TRPM3: variants seen among roughly 807,000 people sequenced by gnomAD.
TRPM3 encodes the protein long transient receptor potential channel 3.
In TRPM3, 77 loss-of-function variants were observed where a neutral mutation model predicts 181.2. The ratio of observed to expected loss-of-function variants is 0.42; its 90% CI spans 0.35 to 0.51. The LOEUF is 0.51. TRPM3 is among the 20% of genes least tolerant of loss of function. The pLI is 0.01. For synonymous variants in TRPM3, 745 were observed against 796.4 expected (o/e 0.94, Z 1.09); for missense variants, 1,759 against 2,196.7 (o/e 0.80, Z 3.98).
chr9:71,016,732 A>AT (rs921982421), intron 1 of TRPM3, among the ~76,000 whole-genome samples: 6 of 151,490 alleles, frequency 4.0e-5, no homozygotes, highest in African/African-American at 7.3e-5. Flanking sequence ...TTATGATACA[A>AT]TTTTTTTTTC....
intron 8 of TRPM3, among the ~76,000 whole-genome samples, chr9:70,744,196 T>G (rs900320604): frequency 6.6e-6 from 1 of 151,768 alleles, no homozygotes; most frequent in African/African-American, 2.4e-5. Context: ...GGCATGGTGG[T>G]GGGTGCCTGT....
At chr9:70,895,464 G>T in intron 1 of TRPM3, among the ~76,000 whole-genome samples, 1 of 151,990 alleles carries the variant, frequency 6.6e-6, no homozygotes, top group East Asian at 1.9e-4. Context: ...CTTCACTTCT[G>T]ATATTTTGAT....
chr9:70,803,502 G>A (rs2089858044), intron 6 of TRPM3, among the ~76,000 whole-genome samples: 1 of 141,896 alleles, frequency 7.0e-6, no homozygotes, highest in Non-Finnish European at 1.5e-5. Flanking sequence ...GGGCTGGAGT[G>A]CAGTGGTGCG....
At chr9:70,660,700 C>T (rs949778213) in intron 9 of TRPM3, among the ~76,000 whole-genome samples, 2 of 152,014 alleles carry the variant, frequency 1.3e-5, no homozygotes, top group African/African-American at 4.8e-5. Context: ...GAAGTGAATA[C>T]ATTCCTGAAA....
At chr9:71,031,973 T>TATATATATATATATATA (rs1491161740) in intron 1 of TRPM3, among the ~76,000 whole-genome samples, 4 of 42 alleles carry the variant, frequency 0.095, no homozygotes, top group Non-Finnish European at 0.17. Flanking sequence ...ATATATATAT[T>TATATATATATATATATA]ATATATATAT....
intron 5 of TRPM3, among the ~76,000 whole-genome samples, chr9:70,837,146 C>G (rs2094377430): frequency 6.6e-6 from 1 of 152,174 alleles, no homozygotes; most frequent in Admixed American, 6.5e-5. Flanking sequence ...AAAATCCAAT[C>G]AACTCCATGC....
At chr9:70,746,390 T>C (rs1026797921) in intron 8 of TRPM3, among the ~76,000 whole-genome samples, 2 of 151,560 alleles carry the variant, frequency 1.3e-5, no homozygotes, top group Non-Finnish European at 2.9e-5. Context: ...GGAAAGAGAG[T>C]TGTCATTGGA....
chr9:70,776,365 G>A (rs930362525), intron 7 of TRPM3: 1 of 672,844 alleles, frequency 1.5e-6, no homozygotes, highest in Non-Finnish European at 2.7e-6. Flanking sequence ...CTGGCCCCTG[G>A]AACCCTGCCT....
chr9:70,768,161 T>A (rs993481402), intron 7 of TRPM3, among the ~76,000 whole-genome samples: 2 of 152,208 alleles, frequency 1.3e-5, no homozygotes, highest in South Asian at 4.1e-4. Context: ...AATTTTCTCT[T>A]CTAACAGATC....
intron 1 of TRPM3, among the ~76,000 whole-genome samples, chr9:70,980,067 G>GCAAACACACA (rs2097349012): frequency 7.3e-6 from 1 of 137,888 alleles, no homozygotes; most frequent in African/African-American, 2.9e-5. Flanking sequence ...GCATGTGCGT[G>GCAAACACACA]CACACACACA....
chr9:70,754,602 C>A (rs1278234821), intron 8 of TRPM3, among the ~76,000 whole-genome samples: 1 of 152,134 alleles, frequency 6.6e-6, no homozygotes, highest in African/African-American at 2.4e-5. Flanking sequence ...CCACAGCACC[C>A]AGAGGCCCAT....
At chr9:70,976,659 C>T (rs1038394886) in intron 1 of TRPM3, among the ~76,000 whole-genome samples, 6 of 152,208 alleles carry the variant, frequency 3.9e-5, no homozygotes, top group African/African-American at 7.2e-5. Context: ...AGACCGCCTA[C>T]AGGAAATGCC....
At chr9:70,644,337 G>A (rs1444199120) in intron 9 of TRPM3, among the ~76,000 whole-genome samples, 1 of 152,124 alleles carries the variant, frequency 6.6e-6, no homozygotes, top group Non-Finnish European at 1.5e-5. Flanking sequence ...CTGGCTACCC[G>A]ACCTTGCATG....
chr9:70,980,752 A>G (rs2097355936), intron 1 of TRPM3, among the ~76,000 whole-genome samples: 1 of 152,194 alleles, frequency 6.6e-6, no homozygotes. Context: ...CTCTGAAAAT[A>G]GGACAGAGGT....
intron 7 of TRPM3, among the ~76,000 whole-genome samples, chr9:70,763,817 A>G (rs1055755531): frequency 6.6e-6 from 1 of 152,164 alleles, no homozygotes; most frequent in African/African-American, 2.4e-5. Context: ...AGAAGTAAAG[A>G]AACTTGTGGC....
At chr9:70,633,569 A>G (rs1486921235) in intron 12 of TRPM3, among the ~76,000 whole-genome samples, 3 of 152,148 alleles carry the variant, frequency 2.0e-5, no homozygotes, top group African/African-American at 7.2e-5. Flanking sequence ...TAGAGATGGG[A>G]GGAAAGTTTG....
At chr9:70,971,957 T>G (rs951126881) in intron 1 of TRPM3, among the ~76,000 whole-genome samples, 2 of 152,152 alleles carry the variant, frequency 1.3e-5, no homozygotes, top group African/African-American at 4.8e-5. Context: ...GGTGAGGATA[T>G]GGAGACACTG....
chr9:70,998,156 C>CATATATACACAT (rs1554794733), intron 1 of TRPM3, among the ~76,000 whole-genome samples: 6 of 27,200 alleles, frequency 2.2e-4, no homozygotes, highest in African/African-American at 5.2e-4. Context: ...TATATATATA[C>CATATATACACAT]ATATATACAT....
chr9:71,334,779 T>C (rs1177562676), intron 1 of TRPM3, among the ~76,000 whole-genome samples: 1 of 152,172 alleles, frequency 6.6e-6, no homozygotes, highest in Non-Finnish European at 1.5e-5. Flanking sequence ...TTAACTTAAT[T>C]AGCTTAAATA....
Sources: allele counts gnomAD v4.1 joint callset (sites outside exome capture counted in the v4.1 genomes callset), GRCh38; gene constraint gnomAD v4.1.1; transcripts MANE v1.5; gene names NCBI Gene and HGNC (gene_info 2026-07-23, HGNC 2026-07-21).